Variants in ATP8B1 observed in about 807,000 individuals in gnomAD.
The protein encoded by ATP8B1 is phospholipid-transporting ATPase IC.
A neutral mutation model predicts 149.9 loss-of-function variants in ATP8B1; 80 were observed. The observed-to-expected ratio is 0.53, with a 90% CI of 0.45 to 0.64. The LOEUF is 0.64. ATP8B1 is among the 30% of genes least tolerant of loss of function. The probability of loss-of-function intolerance (pLI) is 0.00; values close to 1 mark genes in which losing one functional copy is unlikely to be tolerated. For missense variants in ATP8B1, 1,247 were observed against 1,552.6 expected (o/e 0.80, Z 3.31); for synonymous variants, 536 against 562.8 (o/e 0.95, Z 0.67).
chr18:57,722,944 A>G (rs2123082915), intron 2 of ATP8B1, among the ~76,000 whole-genome samples: 1 of 150,942 alleles, frequency 6.6e-6, no homozygotes, highest in South Asian at 2.1e-4. Context: ...CTGGTTCAAT[A>G]TACGCAAATC....
intron 4 of ATP8B1, among the ~76,000 whole-genome samples, chr18:57,703,690 A>C (rs1050704766): frequency 3.6e-4 from 55 of 152,250 alleles, no homozygotes; most frequent in Middle Eastern, 3.4e-3. Flanking sequence ...GTGTGTGTAG[A>C]GTTCCCTCGG....
intron 1 of ATP8B1, among the ~76,000 whole-genome samples, chr18:57,774,710 A>C (rs981211173): frequency 2.0e-5 from 3 of 152,244 alleles, no homozygotes; most frequent in Non-Finnish European, 4.4e-5. Flanking sequence ...CCCAGAATAC[A>C]GTACAATGTA....
At chr18:57,779,957 G>A (rs1375593171) in intron 1 of ATP8B1, among the ~76,000 whole-genome samples, 1 of 151,604 alleles carries the variant, frequency 6.6e-6, no homozygotes, top group Non-Finnish European at 1.5e-5. Flanking sequence ...TAAATTAACA[G>A]TTATAATATT....
intron 1 of ATP8B1, among the ~76,000 whole-genome samples, chr18:57,801,509 T>A (rs1334395124): frequency 6.6e-6 from 1 of 152,214 alleles, no homozygotes; most frequent in Admixed American, 6.5e-5. Context: ...ATGAACGGCA[T>A]CTTAGGTCTA....
At chr18:57,672,908 A>ATG (rs1911312971) in intron 16 of ATP8B1, among the ~76,000 whole-genome samples, 2 of 74,356 alleles carry the variant, frequency 2.7e-5, no homozygotes, top group South Asian at 1.0e-3. Flanking sequence ...ATATATATAT[A>ATG]TATATATATA....
chr18:57,671,437 C>T (rs780877592), intron 17 of ATP8B1, 31 bp downstream of exon 17: 10 of 1,524,014 alleles, frequency 6.6e-6, no homozygotes. Context: ...AGTTCAGAAT[C>T]CCTTGCAGAA....
chr18:57,738,682 G>A (rs2079882840), intron 1 of ATP8B1, among the ~76,000 whole-genome samples: 1 of 151,978 alleles, frequency 6.6e-6, no homozygotes, highest in Non-Finnish European at 1.5e-5. Context: ...AAAGCCAGTC[G>A]TTTTTGCCTC....
At chr18:57,671,667 G>C (rs1911226013) in intron 16 of ATP8B1, 87 bp from the exon 17 acceptor site, 2 of 930,628 alleles carry the variant, frequency 2.1e-6, no homozygotes, top group African/African-American at 3.3e-5. Flanking sequence ...CTGTTGTCCA[G>C]GCTGGAGTGC....
At chr18:57,692,144 C>T in intron 11 of ATP8B1, 147 bp from the exon 12 acceptor site, 1 of 1,303,252 alleles carries the variant, frequency 7.7e-7, no homozygotes, top group South Asian at 1.5e-5. Context: ...AAAAACAGCA[C>T]TATCATAACG....
At chr18:57,714,435 G>A (rs889013606) in intron 2 of ATP8B1, among the ~76,000 whole-genome samples, 35 of 152,150 alleles carry the variant, frequency 2.3e-4, no homozygotes, top group African/African-American at 8.4e-4. Flanking sequence ...CATGGTTACA[G>A]TGGGCCATGG....
chr18:57,706,175 C>T (rs534857943), intron 3 of ATP8B1, among the ~76,000 whole-genome samples: 1 of 152,146 alleles, frequency 6.6e-6, no homozygotes. Context: ...TCCTTTCAAA[C>T]TCATTACTTT....
chr18:57,725,787 G>GTC (rs1287997356), intron 2 of ATP8B1, among the ~76,000 whole-genome samples: 3 of 152,208 alleles, frequency 2.0e-5, no homozygotes, highest in African/African-American at 7.2e-5. Flanking sequence ...GGGAAAGGCA[G>GTC]TCTCTTCAAT....
chr18:57,685,061 A>G lies in ATP8B1; in HGVS notation c.1473+11T>C. ...AGCATCCCAAACGATTCTTCGGCTT[A>G]AAGGTCTTACCTCTATTTTGTTGTG... On this transcript the variant is annotated intron_variant, in intron 14 of 27. Transcript: ENST00000648908. 6.2e-7 allele frequency: 1 copy of G among 1,614,072 alleles called. No individual in the cohort carries two copies. The highest frequency in any genetic ancestry group is 2.2e-5 in the East Asian group (1 of 44,890).
chr18:57,697,876 T>TA lies in ATP8B1; in HGVS notation c.555-10dup, dbSNP rs1912904093. On this transcript the variant is annotated splice_polypyrimidine_tract_variant and intron_variant, in intron 6 of 27. Transcript: ENST00000648908. ...ACTTAGCAACTTTGAACCTAAGGAT[T>TA]AAAAATAATGAGGATTTATTGACAT... is the stretch of plus-strand genomic sequence containing the variant. The TA allele has an allele frequency of 6.2e-7, 1 of 1,601,862 alleles. No homozygotes were observed. The highest frequency in any genetic ancestry group is 8.6e-7 in the Non-Finnish European group (1 of 1,168,996).
At chr18:57,773,526 C>A (rs1257620115) in intron 1 of ATP8B1, among the ~76,000 whole-genome samples, 1 of 152,174 alleles carries the variant, frequency 6.6e-6, no homozygotes, top group African/African-American at 2.4e-5. Flanking sequence ...TTATTTGGCC[C>A]TGACATTCTA....
At chr18:57,672,521 C>G (rs1568188905) in intron 16 of ATP8B1, among the ~76,000 whole-genome samples, 1 of 152,070 alleles carries the variant, frequency 6.6e-6, no homozygotes, top group Non-Finnish European at 1.5e-5. Context: ...GTAGATACCA[C>G]CTTAACCAAG....
chr18:57,681,812 C>T (rs1911991003), intron 15 of ATP8B1, among the ~76,000 whole-genome samples: 1 of 151,870 alleles, frequency 6.6e-6, no homozygotes, highest in Non-Finnish European at 1.5e-5. Context: ...AAACACAAAA[C>T]AAAACTTGAA....
chr18:57,732,826 G>A (rs1317996407), intron 1 of ATP8B1, among the ~76,000 whole-genome samples: 1 of 81,328 alleles, frequency 1.2e-5, no homozygotes, highest in Admixed American at 1.7e-4. Flanking sequence ...GCTTCCCAAA[G>A]TGCTGGGATT....
intron 20 of ATP8B1, among the ~76,000 whole-genome samples, chr18:57,665,497 T>G (rs1013781931): frequency 6.6e-6 from 1 of 152,052 alleles, no homozygotes; most frequent in African/African-American, 2.4e-5. Context: ...ATCAGATTAC[T>G]TGAAGCCCAA....
Sources: allele counts gnomAD v4.1 joint callset (sites outside exome capture counted in the v4.1 genomes callset), GRCh38; gene constraint gnomAD v4.1.1; transcripts MANE v1.5; gene names NCBI Gene and HGNC (gene_info 2026-07-23, HGNC 2026-07-21).